The following MTCL1 variants were observed in gnomAD, a reference collection of about 807,000 sequenced individuals.
MTCL1 encodes the protein microtubule cross-linking factor 1.
MTCL1 carries 79 observed loss-of-function variants against 141.4 expected under a neutral mutation model. The ratio of observed to expected loss-of-function variants is 0.56; its 90% CI spans 0.47 to 0.67. MTCL1 has a LOEUF of 0.67. MTCL1 is among the 30% of genes least tolerant of loss of function. MTCL1 has a pLI of 0.00. For missense variants in MTCL1, 2,177 were observed against 2,113.9 expected, an observed-to-expected ratio of 1.03 and a Z score of -0.59; for synonymous variants, 914 against 875.8, an observed-to-expected ratio of 1.04 and a Z score of -0.77.
intron 9 of MTCL1, 43 bp from the exon 9 acceptor site, chr18:8,798,054 G>C (rs763442279): frequency 1.3e-6 from 2 of 1,537,410 alleles, no homozygotes; most frequent in Non-Finnish European, 1.7e-6. Flanking sequence ...TACAGCAAAA[G>C]AATTTGGCTG....
At chr18:8,717,813 G>A (rs2096139441) in intron 1 of MTCL1, 1 of 771,930 alleles carries the variant, frequency 1.3e-6, no homozygotes, top group Non-Finnish European at 1.6e-6. Flanking sequence ...ACAGCAAAGA[G>A]TGGAGGTGTG....
In MTCL1 at chr18:8,809,642, A is replaced by G. The variant is rs1287678257; in HGVS notation, c.2604+2582A>G. 4.6e-6 allele frequency: 7 copies of G among 1,519,496 alleles called. No individual in the cohort carries two copies. In the African/African-American group the frequency reaches 9.7e-5, roughly 21 times the overall value. The allele number at this position is 1,519,496 out of a possible 1,614,324, so 94.1% of individuals were successfully genotyped here. ...CACACCTGAAAAAAACGGAGCAAGT[A>G]GAGAGTGGCCGGGCCTGGTGGCCGG... On this transcript the variant is annotated intron_variant, in intron 11 of 16. Transcript: ENST00000359865.
chr18:8,725,816 GTCTC>G (rs530564817), intron 4 of MTCL1, among the ~76,000 whole-genome samples: 296 of 111,226 alleles, frequency 2.7e-3, no homozygotes, highest in African/African-American at 0.011. Flanking sequence ...TTGAGATGGA[GTCTC>G]TCTCTGTCGC....
chr18:8,730,694 G>T (rs1026739709), intron 4 of MTCL1, among the ~76,000 whole-genome samples: 4 of 152,210 alleles, frequency 2.6e-5, no homozygotes, highest in African/African-American at 9.6e-5. Flanking sequence ...CCACAGCACT[G>T]CAGGCTCCGG....
chr18:8,726,286 CTTTTTTTTTTT>C (rs77665680), intron 4 of MTCL1, among the ~76,000 whole-genome samples: 4 of 102,260 alleles, frequency 3.9e-5, no homozygotes, highest in African/African-American at 1.5e-4. Flanking sequence ...TTCTTTTTTT[CTTTTTTTTTTT>C]TTTTTTTTTG....
rs772605367 is a variant in MTCL1 at position 8,824,822 on chromosome 18, C to T, written c.3312C>T (p.Asp1104=). 53 of 1,614,042 alleles carry T rather than the reference C, an allele frequency of 3.3e-5. No individual in the cohort carries two copies. The Middle Eastern group carries it at 4.9e-4, about 15-fold the overall frequency. Residue 1104 remains aspartate (D), a synonymous_variant, in exon 15 of 17, where the codon GAC becomes GAT. Coordinates refer to ENST00000359865, the Ensembl canonical transcript of MTCL1. ...ATGTCACCCCACCCCTGTCTCCAGACGACCTCAAGTACATCGAGGAGTTCA... is the reference window on the plus strand; with the variant it reads ...ATGTCACCCCACCCCTGTCTCCAGATGACCTCAAGTACATCGAGGAGTTCA...
At chr18:8,732,158 C>T (rs2096253906) in intron 4 of MTCL1, among the ~76,000 whole-genome samples, 1 of 152,134 alleles carries the variant, frequency 6.6e-6, no homozygotes, top group Non-Finnish European at 1.5e-5. Flanking sequence ...GATCATGGCT[C>T]ACTGCAGCCT....
At chr18:8,767,482 C>T (rs1440173187) in intron 4 of MTCL1, among the ~76,000 whole-genome samples, 1 of 152,200 alleles carries the variant, frequency 6.6e-6, no homozygotes, top group African/African-American at 2.4e-5. Flanking sequence ...TTCAGAGTTT[C>T]ATTTACTGTC....
Position 8,766,114 on chromosome 18 carries a change from A to G in MTCL1, c.358-11719A>G, listed in dbSNP as rs184351802. 2.9e-4 allele frequency among the ~76,000 whole-genome samples: 44 copies of G among 151,778 alleles called. 1 individual carries two copies. The highest frequency in any genetic ancestry group is 1.3e-4 in the Non-Finnish European group (9 of 67,542). On this transcript the variant is annotated intron_variant, in intron 4 of 16. Transcript: ENST00000359865. ...TTTTCTCAGATGTGAGAAGCTGGTC[A>G]TAGATTGGTGTCATTTAGAAGACAA... is the stretch of plus-strand genomic sequence containing the variant.
At chr18:8,786,378 ATT>A in intron 7 of MTCL1, 1 of 640,728 alleles carries the variant, frequency 1.6e-6, no homozygotes, top group East Asian at 3.2e-5. Context: ...AAGTAGGCTG[ATT>A]GGTGAGTGCG....
chr18:8,829,942 A>G, intron 16 of MTCL1: 4 of 985,320 alleles, frequency 4.1e-6, no homozygotes, highest in Non-Finnish European at 4.8e-6. Context: ...GGGGTACTGA[A>G]TGGTCTCATA....
intron 4 of MTCL1, among the ~76,000 whole-genome samples, chr18:8,740,245 A>G (rs2096295341): frequency 6.6e-6 from 1 of 152,204 alleles, no homozygotes. Context: ...TTTTTAAAGC[A>G]GGTTGTTTTC....
chr18:8,774,262 G>C (rs79945902), intron 4 of MTCL1, among the ~76,000 whole-genome samples: 3,589 of 152,072 alleles, frequency 0.024, 126 homozygotes, highest in African/African-American at 0.081. Flanking sequence ...GAATGTGTGT[G>C]TGTGTGTGTG....
chr18:8,755,690 C>T (rs2096393987), intron 4 of MTCL1, among the ~76,000 whole-genome samples: 2 of 152,214 alleles, frequency 1.3e-5, no homozygotes, highest in African/African-American at 2.4e-5. Flanking sequence ...GACAGACTAT[C>T]ATCCTCTTTC....
intron 4 of MTCL1, among the ~76,000 whole-genome samples, chr18:8,770,914 C>T (rs2096482845): frequency 6.6e-6 from 1 of 151,760 alleles, no homozygotes; most frequent in Non-Finnish European, 1.5e-5. Context: ...AAGCAGGCTC[C>T]CCGGAACTAT....
intron 4 of MTCL1, among the ~76,000 whole-genome samples, chr18:8,734,445 C>A (rs950886811): frequency 2.0e-5 from 3 of 152,074 alleles, no homozygotes; most frequent in African/African-American, 7.3e-5. Flanking sequence ...CCGGAGCCAT[C>A]CCCGTGAAGT....
At chr18:8,826,534 G>C (rs942277560) in intron 15 of MTCL1, among the ~76,000 whole-genome samples, 6 of 152,152 alleles carry the variant, frequency 3.9e-5, no homozygotes, top group African/African-American at 4.8e-5. Flanking sequence ...ATTTTATTTG[G>C]GGTCAGTTTG....
intron 4 of MTCL1, among the ~76,000 whole-genome samples, chr18:8,772,555 C>G (rs1277090974): frequency 6.6e-6 from 1 of 151,222 alleles, no homozygotes; most frequent in African/African-American, 2.4e-5. Context: ...GTGTACTGCT[C>G]CAGGCCACTT....
At chr18:8,792,343 A>T (rs1215564500) in intron 7 of MTCL1, among the ~76,000 whole-genome samples, 1 of 152,214 alleles carries the variant, frequency 6.6e-6, no homozygotes, top group African/African-American at 2.4e-5. Context: ...CATGATACAG[A>T]TTCCACCACC....
Sources: allele counts gnomAD v4.1 joint callset (sites outside exome capture counted in the v4.1 genomes callset), GRCh38; gene constraint gnomAD v4.1.1; transcripts MANE v1.5; gene names NCBI Gene and HGNC (gene_info 2026-07-23, HGNC 2026-07-21).